HAGHL: variants seen among roughly 807,000 people sequenced by gnomAD.
HAGHL encodes the protein hydroxyacylglutathione hydrolase like, also known as hydroxyacylglutathione hydrolase-like protein.
Under a neutral mutation model 29.2 loss-of-function variants are expected in HAGHL, and 27 were observed. That is an observed-to-expected ratio of 0.92 (90% CI 0.68 to 1.27). The LOEUF is 1.27. Among genes scored for constraint, HAGHL ranks in the 50% most tolerant of loss-of-function variants. The pLI is 0.00. For synonymous variants in HAGHL, 223 were observed against 185.7 expected, an observed-to-expected ratio of 1.20 and a Z score of -1.63; for missense variants, 529 against 405.5, an observed-to-expected ratio of 1.30 and a Z score of -2.62.
chr16:729,110 G>T, intron 7 of HAGHL, 22 bp downstream of exon 7: 1 of 1,605,962 alleles, frequency 6.2e-7, no homozygotes, highest in East Asian at 2.2e-5. Context: ...TGTTGTCCCG[G>T]GGCCTCCACC....
rs2041233428 is a variant in HAGHL at position 729,345 on chromosome 16, G to A, written c.738G>A (p.Ala246=). 2.0e-6 allele frequency: 3 copies of A among 1,534,064 alleles called. No individual in the cohort carries two copies. Among genetic ancestry groups the A allele is most frequent in the Non-Finnish European group, 2.6e-6 (3 of 1,141,378 alleles). The part of the protein sequence containing the change: ...GKAVPADVLE[A]LCKERARFEQ... ...CGGTCCCCGCCGACGTCCTGGAGGC[G>A]CTATGCAAGGAGCGGGCGCGCTTCG... The change falls in exon 8 of 8, where the codon GCG becomes GCA. Residue 246 remains alanine, a synonymous_variant. Coordinates refer to ENST00000389703, the MANE Select transcript of HAGHL (RefSeq NM_032304.4).
chr16:728,098 C>T lies in HAGHL; in HGVS notation c.171-18C>T. 6.9e-7 allele frequency: 1 copy of T among 1,459,588 alleles called. No homozygotes were observed. The highest frequency in any genetic ancestry group is 9.0e-7 in the Non-Finnish European group (1 of 1,109,082). The allele number at this position is 1,459,588 out of a possible 1,614,324, so 90.4% of individuals were successfully genotyped here. ...GTCCCAACCCGACCTAACCCGGCCC[C>T]CGCCCGCCCGCCCGCAGGGACCACG... On this transcript the variant is annotated intron_variant, in intron 2 of 7. Transcript: ENST00000389703.
chr16:728,402 G>T lies in HAGHL; in HGVS notation c.375G>T (p.Pro125=). ...ACTTCCTGTGGGAGGACGATTGCCC[G>T]GACCCACCCGCCCTGTTCTCGGGTA... ...MSYFLWEDDC[P]DPPALFSGDA... is the part of the protein sequence containing the mutation. The change falls in exon 4 of 8, where the codon CCG becomes CCT. Residue 125 remains proline (P), a synonymous_variant. Transcript: ENST00000389703. 1 of 997,314 alleles carries T rather than the reference G, an allele frequency of 1.0e-6. No homozygotes were observed. Among genetic ancestry groups the T allele is most frequent in the Non-Finnish European group, 1.4e-6 (1 of 709,400 alleles). The allele number at this position is 997,314 out of a possible 1,614,324, so 61.8% of individuals were successfully genotyped here.
rs529107983 is a variant in HAGHL at position 727,952 on chromosome 16, C to G, written c.106-13C>G. On this transcript the variant is annotated splice_polypyrimidine_tract_variant and intron_variant, in intron 1 of 7. Transcript: ENST00000389703. ...GGGACCGTCTGTGTTACCGTCACTC[C>G]CGTCCCTTTCAGCTGCTGGAGATCG... 16 of 1,605,896 alleles carry G rather than the reference C, an allele frequency of 1.0e-5. No individual in the cohort carries two copies. The African/African-American group carries it at 2.2e-4, about 22-fold the overall frequency.
chr16:727,770 C>T, intron 1 of HAGHL, 156 bp downstream of exon 1: 1 of 726,002 alleles, frequency 1.4e-6, no homozygotes, highest in Non-Finnish European at 2.3e-6. Flanking sequence ...AGTTACGGCA[C>T]CTCTGGCCTC....
At chr16:728,095 C>A (rs1164039056) in intron 2 of HAGHL, 21 bp from the exon 3 acceptor site, 3 of 1,472,148 alleles carry the variant, frequency 2.0e-6, no homozygotes, top group East Asian at 5.7e-5. Flanking sequence ...CCTAACCCGG[C>A]CCCCGCCCGC....
rs1473459818 is a variant in HAGHL at position 727,283 on chromosome 16, T to G, written c.-227T>G. 1 of 470,996 alleles carries G rather than the reference T, an allele frequency of 2.1e-6. No homozygotes were observed. Among genetic ancestry groups the G allele is most frequent in the Non-Finnish European group, 3.8e-6 (1 of 263,010 alleles). The allele number at this position is 470,996 out of a possible 1,614,324, so 29.2% of individuals were successfully genotyped here. On this transcript the variant is annotated 5_prime_UTR_variant, in exon 1 of 8. Transcript: ENST00000389703. ...GACTGGGGGCGGAGCCGGGGCTGGTTGGGGACCGGCCGGGTTCCGCTCCTG... is the reference window on the plus strand; with the variant it reads ...GACTGGGGGCGGAGCCGGGGCTGGTGGGGGACCGGCCGGGTTCCGCTCCTG...
In HAGHL at chr16:729,692, C is replaced by T. The variant is rs1484718506; in HGVS notation, c.*236C>T. 2 of 1,488,858 alleles carry T rather than the reference C, an allele frequency of 1.3e-6. No homozygotes were observed. The highest frequency in any genetic ancestry group is 2.4e-5 in the Admixed American group (1 of 42,262). 92.2% of individuals were successfully genotyped at this position (1,488,858 alleles called of 1,614,324 possible). On this transcript the variant is annotated 3_prime_UTR_variant, in exon 8 of 8. Coordinates refer to ENST00000389703, the MANE Select transcript of HAGHL (RefSeq NM_032304.4). ...AAGTGGGGCACACGGGGCCTCCGAA[C>T]TATGAATAAAGCTTTGAAAGGCCGT...
chr16:727,451 G>A lies in HAGHL; in HGVS notation c.-59G>A, dbSNP rs2041048033. 6 of 1,031,704 alleles carry A rather than the reference G, an allele frequency of 5.8e-6. No individual in the cohort carries two copies. The highest frequency in any genetic ancestry group is 2.8e-5 in the South Asian group (2 of 72,634). The allele number at this position is 1,031,704 out of a possible 1,614,324, so 63.9% of individuals were successfully genotyped here. On this transcript the variant is annotated 5_prime_UTR_variant, in exon 1 of 8. Transcript: ENST00000389703. ...TGGAGAGCGGGCCCCGCCCTGAAGG[G>A]GCACCGTGGGCTGGGGGGCCTGTTT...
chr16:728,243 C>G lies in HAGHL; in HGVS notation c.288+10C>G. The stretch of plus-strand genomic sequence containing the variant: ...CGGCGAGGAGCTGCGGGTGAGCGCG[C>G]GCTCCCGGGAGGGGCGGGGAGGGCG... On this transcript the variant is annotated intron_variant, in intron 3 of 7. Coordinates refer to ENST00000389703, the MANE Select transcript of HAGHL (RefSeq NM_032304.4). 1 of 1,486,728 alleles carries G rather than the reference C, an allele frequency of 6.7e-7. No individual in the cohort carries two copies. Among genetic ancestry groups the G allele is most frequent in the Non-Finnish European group, 8.9e-7 (1 of 1,126,778 alleles). 92.1% of individuals were successfully genotyped at this position (1,486,728 alleles called of 1,614,324 possible). A position where few individuals can be genotyped will look rare whatever the true frequency, so the allele number is the denominator to read the frequency against.
chr16:728,598 CG>C lies in HAGHL; in HGVS notation c.493del (p.Glu165ArgfsTer28), dbSNP rs1406653693. On this transcript the variant is annotated frameshift_variant, in exon 5 of 8. Transcript: ENST00000389703. LOFTEE classifies it high-confidence loss of function. ...SLAELGTLPP[E>X]TKVFCGHEHT... ...TGGCCGAGCTGGGTACCCTGCCCCC[CG>C]AGACGGTGAGCGGGCCTGGGCCCTC... 1.3e-6 allele frequency: 2 copies of C among 1,498,600 alleles called. No homozygotes were observed. Among genetic ancestry groups the C allele is most frequent in the Non-Finnish European group, 1.8e-6 (2 of 1,125,750 alleles). The allele number at this position is 1,498,600 out of a possible 1,614,324, so 92.8% of individuals were successfully genotyped here. A position where few individuals can be genotyped will look rare whatever the true frequency, so the allele number is the denominator to read the frequency against.
chr16:728,097 C>G lies in HAGHL; in HGVS notation c.171-19C>G, dbSNP rs1275448859. 3 of 1,458,624 alleles carry G rather than the reference C, an allele frequency of 2.1e-6. No individual in the cohort carries two copies. The highest frequency in any genetic ancestry group is 2.7e-6 in the Non-Finnish European group (3 of 1,108,432). 90.4% of individuals were successfully genotyped at this position (1,458,624 alleles called of 1,614,324 possible). ...TGTCCCAACCCGACCTAACCCGGCC[C>G]CCGCCCGCCCGCCCGCAGGGACCAC... is the stretch of plus-strand genomic sequence containing the variant. On this transcript the variant is annotated intron_variant, in intron 2 of 7. Transcript: ENST00000389703.
At position 729,424 on chromosome 16, in the gene HAGHL, T is replaced by C. The variant is rs1485705936; in HGVS notation, c.817T>C (p.Trp273Arg). ...GGCGCGGGCCCTCCTTGCGCTGCAG[T>C]GGGGGCTCCTGAGTGCAGCCCCACA... ...PQARALLALQ[W>R]GLLSAAPHD The change falls in exon 8 of 8, where the codon TGG becomes CGG. Residue 273 changes from tryptophan to arginine, a missense_variant. Physicochemically the swap from Trp to Arg is moderately radical, Grantham distance 101. Coordinates refer to ENST00000389703, the MANE Select transcript of HAGHL (RefSeq NM_032304.4). The C allele has an allele frequency of 2.6e-6, 4 of 1,531,718 alleles. No homozygotes were observed. The Admixed American group carries it at 8.6e-5, about 33-fold the overall frequency. 94.9% of individuals were successfully genotyped at this position (1,531,718 alleles called of 1,614,324 possible).
chr16:729,454 T>A lies in HAGHL; in HGVS notation c.847T>A (p.Ter283ArgextTer?). The change falls in exon 8 of 8, where the codon TGA becomes AGA. Residue 283 changes from the stop codon to arginine, a stop_lost. Coordinates refer to ENST00000389703, the MANE Select transcript of HAGHL (RefSeq NM_032304.4). Reference sequence around the variant, plus strand: ...GCTCCTGAGTGCAGCCCCACACGACTGAGCCACCCAGACCCTCACAGGGCT... The same window carrying A: ...GCTCCTGAGTGCAGCCCCACACGACAGAGCCACCCAGACCCTCACAGGGCT... ...WGLLSAAPHD[*>R] The A allele has an allele frequency of 6.5e-7, 1 of 1,538,856 alleles. No individual in the cohort carries two copies. The highest frequency in any genetic ancestry group is 8.7e-7 in the Non-Finnish European group (1 of 1,145,786).
intron 1 of HAGHL, 137 bp downstream of exon 1, chr16:727,751 G>T (rs2041082511): frequency 2.8e-6 from 2 of 721,800 alleles, no homozygotes; most frequent in Admixed American, 5.4e-5. Flanking sequence ...TTATCTTGGG[G>T]CTCCCTGAAG....
chr16:728,352 G>T lies in HAGHL; in HGVS notation c.325G>T (p.Gly109Cys). The change falls in exon 4 of 8, where the codon GGC becomes TGC. Residue 109 changes from glycine to cysteine, a missense_variant. Physicochemically the swap from Gly to Cys is radical, Grantham distance 159. Transcript: ENST00000389703. Reference sequence around the variant, plus strand: ...CCACGTGCGTTGCCTCCTGACGCCCGGCCACACCGCCGGCCACATGAGCTA... The same window carrying T: ...CCACGTGCGTTGCCTCCTGACGCCCTGCCACACCGCCGGCCACATGAGCTA... ...AIHVRCLLTPGHTAGHMSYFL... is the reference protein window; with the variant it reads ...AIHVRCLLTPCHTAGHMSYFL... 1.9e-6 allele frequency: 3 copies of T among 1,574,666 alleles called. No individual in the cohort carries two copies. Among genetic ancestry groups the T allele is most frequent in the East Asian group, 2.3e-5 (1 of 43,272 alleles).
rs753373624 is a variant in HAGHL, at chr16:729,585, G to T, written c.*129G>T. 3 of 1,531,288 alleles carry T rather than the reference G, an allele frequency of 2.0e-6. No individual in the cohort carries two copies. Among genetic ancestry groups the T allele is most frequent in the Non-Finnish European group, 8.7e-7 (1 of 1,145,140 alleles). 94.9% of individuals were successfully genotyped at this position (1,531,288 alleles called of 1,614,324 possible). ...CCAGCCATCTGCCCAGCCTCGGAGG[G>T]TGGGCAACCTGGTGCTTCCCGGGTG... On this transcript the variant is annotated 3_prime_UTR_variant, in exon 8 of 8. Transcript: ENST00000389703.
chr16:728,997 T>G lies in HAGHL; in HGVS notation c.601-12T>G. On this transcript the variant is annotated splice_polypyrimidine_tract_variant and intron_variant, in intron 6 of 7. Transcript: ENST00000389703. Reference sequence around the variant, plus strand: ...AAGGCCTAATGGTGACCGGGGCCTGTGGTCACTCCAGAAGAGGGATGAGGA... The same window carrying G: ...AAGGCCTAATGGTGACCGGGGCCTGGGGTCACTCCAGAAGAGGGATGAGGA... 1.2e-6 allele frequency: 2 copies of G among 1,604,586 alleles called. No homozygotes were observed. The highest frequency in any genetic ancestry group is 1.7e-6 in the Non-Finnish European group (2 of 1,176,556).
chr16:728,619 G>A lies in HAGHL; in HGVS notation c.498+15G>A, dbSNP rs774759602. On this transcript the variant is annotated intron_variant, in intron 5 of 7. Transcript: ENST00000389703. ...CCCCCGAGACGGTGAGCGGGCCTGG[G>A]CCCTCCCCTCTTCTCCCGTGGGCAC... The A allele has an allele frequency of 2.8e-6, 4 of 1,436,748 alleles. No homozygotes were observed. The highest frequency in any genetic ancestry group is 3.7e-6 in the Non-Finnish European group (4 of 1,073,358). 89.0% of individuals were successfully genotyped at this position (1,436,748 alleles called of 1,614,324 possible). A position where few individuals can be genotyped will look rare whatever the true frequency, so the allele number is the denominator to read the frequency against.
Sources: gnomAD v4.1 joint callset for allele counts on GRCh38, gnomAD v4.1.1 for gene constraint, MANE v1.5 for transcripts, NCBI Gene and HGNC (gene_info 2026-07-23, HGNC 2026-07-21) for gene names.